Variants in MYCBP2 observed in about 807,000 individuals in gnomAD.
The protein encoded by MYCBP2 is E3 ubiquitin-protein ligase MYCBP2.
A neutral mutation model predicts 525.3 loss-of-function variants in MYCBP2; 120 were observed. That is an observed-to-expected ratio of 0.23 (90% CI 0.20 to 0.27). MYCBP2 has a LOEUF of 0.27. Among genes scored for constraint, MYCBP2 ranks in the 10% least tolerant of loss-of-function variants. The pLI is 1.00. For missense variants in MYCBP2, 4,149 were observed against 5,657.1 expected, an observed-to-expected ratio of 0.73 and a Z score of 8.55; for synonymous variants, 1,894 against 1,955.8, an observed-to-expected ratio of 0.97 and a Z score of 0.83.
intron 14 of MYCBP2, among the ~76,000 whole-genome samples, chr13:77,255,023 A>G (rs192864384): frequency 1.3e-3 from 204 of 152,030 alleles, no homozygotes; most frequent in Non-Finnish European, 2.3e-3. Flanking sequence ...AGTTGATTCC[A>G]TATCTTGGTG....
At position 77,251,192 on chromosome 13, in the gene MYCBP2, G is replaced by A. The variant is rs2071154788; in HGVS notation, c.2340C>T (p.Ala780=). The A allele has an allele frequency of 7.4e-6, 12 of 1,614,148 alleles. No homozygotes were observed. Among genetic ancestry groups the A allele is most frequent in the African/African-American group, 1.3e-5 (1 of 75,060 alleles). The part of the protein sequence containing the change: ...TVCGDCTGYG[A]SCVSSGRPDR... Reference sequence around the variant, plus strand: ...CTGGCCGTCCACTACTGACACAGCTGGCTCCATAACCTGTACAGTCTCCAC... The same window carrying A: ...CTGGCCGTCCACTACTGACACAGCTAGCTCCATAACCTGTACAGTCTCCAC... Residue 780 remains alanine (A), a synonymous_variant, in exon 15 of 83, where the codon GCC becomes GCT. Coordinates refer to ENST00000544440, the MANE Select transcript of MYCBP2 (RefSeq NM_015057.5).
intron 22 of MYCBP2, 54 bp downstream of exon 22, chr13:77,211,902 A>G (rs1335542041): frequency 7.4e-7 from 1 of 1,352,706 alleles, no homozygotes; most frequent in African/African-American, 1.4e-5. Flanking sequence ...TAAACCATTT[A>G]CTATCAATCA....
In MYCBP2 at chr13:77,211,323, T is replaced by C; in HGVS notation, c.3263-3A>G. 2.9e-6 allele frequency: 4 copies of C among 1,374,472 alleles called. No individual in the cohort carries two copies. The highest frequency in any genetic ancestry group is 3.8e-6 in the Non-Finnish European group (4 of 1,056,628). 85.1% of individuals were successfully genotyped at this position (1,374,472 alleles called of 1,614,324 possible). A position where few individuals can be genotyped will look rare whatever the true frequency, so the allele number is the denominator to read the frequency against. On this transcript the variant is annotated splice_region_variant and splice_polypyrimidine_tract_variant and intron_variant, in intron 22 of 82. Transcript: ENST00000544440. ...TGATATAGAAGCAGGTACCAAGCCT[T>C]AAGAAAAAAATATTTATATATAATT...
intron 80 of MYCBP2, among the ~76,000 whole-genome samples, chr13:77,053,240 T>C (rs1241351615): frequency 6.6e-6 from 1 of 152,018 alleles, no homozygotes; most frequent in Non-Finnish European, 1.5e-5. Context: ...ATACAGACAC[T>C]TGCATAAATA....
chr13:77,311,066 G>C (rs1483116281), intron 1 of MYCBP2, among the ~76,000 whole-genome samples: 1 of 152,180 alleles, frequency 6.6e-6, no homozygotes, highest in Non-Finnish European at 1.5e-5. Flanking sequence ...AAATTTCCCA[G>C]TTTGGTTGTT....
At chr13:77,155,388 T>G (rs1566735825) in intron 46 of MYCBP2, among the ~76,000 whole-genome samples, 1 of 152,154 alleles carries the variant, frequency 6.6e-6, no homozygotes, top group African/African-American at 2.4e-5. Flanking sequence ...AAGACAACTT[T>G]GAAGGAGGAA....
chr13:77,179,161 T>C (rs1233809203), intron 34 of MYCBP2, among the ~76,000 whole-genome samples: 1 of 152,284 alleles, frequency 6.6e-6, no homozygotes, highest in Non-Finnish European at 1.5e-5. Flanking sequence ...GTGTATATAT[T>C]GGATGGGTTA....
At chr13:77,227,481 TACACACACACACACACAC>T (rs71704593) in intron 18 of MYCBP2, among the ~76,000 whole-genome samples, 6 of 145,182 alleles carry the variant, frequency 4.1e-5, no homozygotes, top group Admixed American at 6.9e-5. Flanking sequence ...CACACACACA[TACACACACACACACACAC>T]ACACACACAC....
intron 82 of MYCBP2, among the ~76,000 whole-genome samples, chr13:77,048,266 G>A (rs1272209425): frequency 6.6e-6 from 1 of 151,972 alleles, no homozygotes; most frequent in African/African-American, 2.4e-5. Flanking sequence ...GCTGAGAGTG[G>A]GTCCTCACCA....
chr13:77,072,038 C>T (rs547729825), intron 68 of MYCBP2, among the ~76,000 whole-genome samples: 22 of 152,086 alleles, frequency 1.4e-4, no homozygotes, highest in Non-Finnish European at 2.8e-4. Flanking sequence ...CCTGTAATCC[C>T]AGCACTTTGG....
intron 2 of MYCBP2, among the ~76,000 whole-genome samples, chr13:77,292,866 G>A (rs1412701671): frequency 6.7e-6 from 1 of 149,342 alleles, no homozygotes; most frequent in Admixed American, 6.9e-5. Context: ...GCTGAGGCAG[G>A]GAATTGCTTG....
At chr13:77,204,158 G>T (rs1198594998) in intron 26 of MYCBP2, among the ~76,000 whole-genome samples, 1 of 151,496 alleles carries the variant, frequency 6.6e-6, no homozygotes, top group African/African-American at 2.4e-5. Flanking sequence ...CTGACAAAGG[G>T]CTAATATCCA....
chr13:77,254,932 C>T (rs1314839507), intron 14 of MYCBP2, among the ~76,000 whole-genome samples: 1 of 151,908 alleles, frequency 6.6e-6, no homozygotes, highest in Non-Finnish European at 1.5e-5. Flanking sequence ...AACAATATTT[C>T]ATTCTTTTTT....
intron 28 of MYCBP2, 36 bp from the exon 29 acceptor site, chr13:77,190,371 G>A (rs1258802615): frequency 1.7e-6 from 2 of 1,201,010 alleles, no homozygotes; most frequent in African/African-American, 1.5e-5. Flanking sequence ...AAAACAACAT[G>A]ATCATTACAG....
chr13:77,322,765 T>C (rs1366541385), intron 1 of MYCBP2, among the ~76,000 whole-genome samples: 1 of 152,240 alleles, frequency 6.6e-6, no homozygotes, highest in Non-Finnish European at 1.5e-5. Context: ...CACTGTGCTA[T>C]GGTGCCTCCC....
Position 77,044,901 on chromosome 13 carries a change from G to GT in MYCBP2, c.*476dup, listed in dbSNP as rs56131306. 0.06 allele frequency: 16,200 copies of GT among 270,814 alleles called. 9 individuals carry two copies. The highest frequency in any genetic ancestry group is 0.1 in the Middle Eastern group (96 of 948). The allele number at this position is 270,814 out of a possible 1,614,324, so 16.8% of individuals were successfully genotyped here. ...CATTTATATGCTGTCCTAACACAAT[G>GT]TTTTTTTTTTTTTTAAATAACAGTC... On this transcript the variant is annotated 3_prime_UTR_variant, in exon 83 of 83. Coordinates refer to ENST00000544440, the MANE Select transcript of MYCBP2 (RefSeq NM_015057.5).
chr13:77,280,265 T>C (rs2076054074), intron 3 of MYCBP2, among the ~76,000 whole-genome samples: 1 of 152,222 alleles, frequency 6.6e-6, no homozygotes, highest in Admixed American at 6.5e-5. Context: ...GACTTGATTA[T>C]AGCTAATATT....
chr13:77,171,941 C>A (rs1259948157), intron 37 of MYCBP2, among the ~76,000 whole-genome samples: 6 of 152,150 alleles, frequency 3.9e-5, no homozygotes, highest in African/African-American at 1.4e-4. Context: ...TGCTCTGTCG[C>A]CCAGGCTGGA....
chr13:77,198,493 T>G (rs963741880), intron 26 of MYCBP2, among the ~76,000 whole-genome samples: 2 of 152,244 alleles, frequency 1.3e-5, no homozygotes, highest in African/African-American at 4.8e-5. Flanking sequence ...AGATGACATT[T>G]AATCGAGATT....
Sources: allele counts gnomAD v4.1 joint callset (sites outside exome capture counted in the v4.1 genomes callset), GRCh38; gene constraint gnomAD v4.1.1; transcripts MANE v1.5; gene names NCBI Gene and HGNC (gene_info 2026-07-23, HGNC 2026-07-21).